PRKCE: variants seen among roughly 807,000 people sequenced by gnomAD.
The protein encoded by PRKCE is protein kinase C epsilon type.
Under a neutral mutation model 85.4 loss-of-function variants are expected in PRKCE, and 16 were observed. That is an observed-to-expected ratio of 0.19 (90% confidence interval 0.13 to 0.28). The LOEUF (loss-of-function observed/expected upper bound fraction) is 0.28. Among genes scored for constraint, PRKCE ranks in the 10% least tolerant of loss-of-function variants. The probability of loss-of-function intolerance (pLI) is 1.00; values close to 1 mark genes in which losing one functional copy is unlikely to be tolerated. For synonymous variants in PRKCE, 388 were observed against 371.5 expected (o/e 1.04, Z -0.51); for missense variants, 573 against 975.2 (o/e 0.59, Z 5.49).
intron 1 of PRKCE, among the ~76,000 whole-genome samples, chr2:45,823,201 C>T (rs1436100902): frequency 6.6e-6 from 1 of 152,206 alleles, no homozygotes; most frequent in Admixed American, 6.5e-5. Flanking sequence ...GATAGATTCC[C>T]AGGCCTGGGA....
chr2:45,739,760 G>A (rs1417591313), intron 1 of PRKCE, among the ~76,000 whole-genome samples: 1 of 152,120 alleles, frequency 6.6e-6, no homozygotes, highest in Non-Finnish European at 1.5e-5. Context: ...TTTAGATCTT[G>A]ATGGTGGTGG....
At chr2:46,134,282 T>G (rs1371529381) in intron 11 of PRKCE, among the ~76,000 whole-genome samples, 1 of 152,150 alleles carries the variant, frequency 6.6e-6, no homozygotes, top group Non-Finnish European at 1.5e-5. Flanking sequence ...GAATGGTCCC[T>G]TGTGGAGGAT....
rs934708020 is a variant in PRKCE, at chr2:46,124,676, C to T, written c.1593-20417C>T. ...GGAAAGGGATCATATTCTTTGTACC[C>T]AACACTTCACTCATCGATCTACTTG... is the stretch of plus-strand genomic sequence containing the variant. On this transcript the variant is annotated intron_variant, in intron 11 of 14. Coordinates refer to ENST00000306156, the MANE Select transcript of PRKCE (RefSeq NM_005400.3). Among the ~76,000 whole-genome samples the T allele has an allele frequency of 5.9e-5, 9 of 152,238 alleles. No homozygotes were observed. The Middle Eastern group carries it at 0.01, about 173-fold the overall frequency.
chr2:45,785,685 T>G (rs889626596), intron 1 of PRKCE, among the ~76,000 whole-genome samples: 1 of 152,094 alleles, frequency 6.6e-6, no homozygotes, highest in Non-Finnish European at 1.5e-5. Context: ...AGGCATCCTA[T>G]GTAGCACCTG....
chr2:45,736,496 G>A (rs1455906975), intron 1 of PRKCE, among the ~76,000 whole-genome samples: 1 of 152,178 alleles, frequency 6.6e-6, no homozygotes, highest in Admixed American at 6.5e-5. Context: ...CAGTCTATTA[G>A]GCAAATTAGA....
rs569403518 is a variant in PRKCE, at chr2:45,780,307, C to A, written c.349-62693C>A. The stretch of plus-strand genomic sequence containing the variant: ...CCTCCTTTTTCTTTTTTTGTTTTTG[C>A]CATTTCTTTTTTTGTTGAAGAAACT... On this transcript the variant is annotated intron_variant, in intron 1 of 14. Transcript: ENST00000306156. Among the ~76,000 whole-genome samples the A allele has an allele frequency of 5.9e-5, 9 of 152,092 alleles. No individual in the cohort carries two copies. The East Asian group carries it at 7.7e-4, about 13-fold the overall frequency.
At chr2:46,009,095 G>A (rs989703689) in intron 9 of PRKCE, among the ~76,000 whole-genome samples, 1 of 152,150 alleles carries the variant, frequency 6.6e-6, no homozygotes, top group Non-Finnish European at 1.5e-5. Flanking sequence ...GTAAATGAGT[G>A]CAAAAATATC....
chr2:45,895,721 G>A lies in PRKCE; in HGVS notation c.412+52658G>A, dbSNP rs890524614. Among the ~76,000 whole-genome samples the A allele has an allele frequency of 2.0e-5, 3 of 152,298 alleles. No individual in the cohort carries two copies. The highest frequency in any genetic ancestry group is 1.9e-4 in the East Asian group (1 of 5,184). On this transcript the variant is annotated intron_variant, in intron 2 of 14. Transcript: ENST00000306156. The surrounding 1 kb of genome is among the most constrained non-coding windows in gnomAD (Gnocchi z 4.8). ...CCCTTAATCTCTGCTAGGGGCTGGG[G>A]CAATCCAGTGGAAAAGGATGGTCTC...
At position 45,744,465 on chromosome 2, in the gene PRKCE, C is replaced by CTCTTTCTTTCT. The variant is rs1558623449; in HGVS notation, c.348+92018_348+92019insCTTTCTTTCTT. Among the ~76,000 whole-genome samples, 130 of 54,074 alleles carry CTCTTTCTTTCT rather than the reference C, an allele frequency of 2.4e-3. 2 individuals are homozygous for CTCTTTCTTTCT. The highest frequency in any genetic ancestry group is 3.3e-3 in the Non-Finnish European group (92 of 27,604). 35.5% of individuals were successfully genotyped at this position (54,074 alleles called of 152,430 possible). ...TCTTTCTTTCTTTCTTTCTTTCTTT[C>CTCTTTCTTTCT]TTTCTTTCTTTCTTTCTTTCTTTTT... On this transcript the variant is annotated intron_variant, in intron 1 of 14. Transcript: ENST00000306156.
At chr2:45,700,864 G>A (rs543314484) in intron 1 of PRKCE, among the ~76,000 whole-genome samples, 42 of 152,296 alleles carry the variant, frequency 2.8e-4, no homozygotes, top group African/African-American at 9.1e-4. Flanking sequence ...GGGCGGCCCC[G>A]TGAGGACAGA....
At chr2:45,813,747 C>T (rs1688819015) in intron 1 of PRKCE, among the ~76,000 whole-genome samples, 1 of 152,112 alleles carries the variant, frequency 6.6e-6, no homozygotes, top group South Asian at 2.1e-4. Flanking sequence ...AAATTGTGGC[C>T]TGTTGTGAAT....
chr2:45,941,427 G>T (rs561005924), intron 2 of PRKCE, among the ~76,000 whole-genome samples: 1 of 152,298 alleles, frequency 6.6e-6, no homozygotes, highest in African/African-American at 2.4e-5. Flanking sequence ...CCAGCCTTAA[G>T]AAACTTATTA....
intron 2 of PRKCE, among the ~76,000 whole-genome samples, chr2:45,940,539 A>G (rs1339039587): frequency 6.6e-6 from 1 of 152,194 alleles, no homozygotes; most frequent in Non-Finnish European, 1.5e-5. Flanking sequence ...AAATGGAAGA[A>G]GCAGAGAACA....
chr2:45,941,192 C>A (rs966693768), intron 2 of PRKCE, among the ~76,000 whole-genome samples: 12 of 152,034 alleles, frequency 7.9e-5, no homozygotes, highest in African/African-American at 1.2e-4. Flanking sequence ...TAGTTAATCC[C>A]TTGAAGAAGC....
chr2:45,729,415 A>G (rs1336914335), intron 1 of PRKCE, among the ~76,000 whole-genome samples: 2 of 152,158 alleles, frequency 1.3e-5, no homozygotes, highest in Non-Finnish European at 2.9e-5. Context: ...CGCTTATGAG[A>G]CAGCCAGTGT....
At chr2:45,937,154 C>T (rs960739516) in intron 2 of PRKCE, among the ~76,000 whole-genome samples, 1 of 152,166 alleles carries the variant, frequency 6.6e-6, no homozygotes. Flanking sequence ...TTTTATTACT[C>T]CTCTAAAAAT....
intron 2 of PRKCE, among the ~76,000 whole-genome samples, chr2:45,888,796 A>C (rs553623464): frequency 6.6e-6 from 1 of 152,184 alleles, no homozygotes; most frequent in Non-Finnish European, 1.5e-5. Context: ...CTGTGGAGAA[A>C]AGGCTTGTCT....
Position 45,674,191 on chromosome 2 carries a change from C to G in PRKCE, c.348+21743C>G, listed in dbSNP as rs1026027854. 4.7e-4 allele frequency among the ~76,000 whole-genome samples: 72 copies of G among 152,234 alleles called. 1 individual carries two copies. The highest frequency in any genetic ancestry group is 1.9e-4 in the East Asian group (1 of 5,206). ...AGACTGATTTCAGGTTTTGTGCACG[C>G]TCCTTCCACTTCTGAGCCCCTCCAA... is the stretch of plus-strand genomic sequence containing the variant. On this transcript the variant is annotated intron_variant, in intron 1 of 14. Transcript: ENST00000306156.
chr2:45,662,287 G>T (rs1261981013), intron 1 of PRKCE, among the ~76,000 whole-genome samples: 1 of 152,120 alleles, frequency 6.6e-6, no homozygotes. Flanking sequence ...TGCTCTCAGA[G>T]AGCATACACT....
Sources: gnomAD v4.1 joint callset for allele counts (sites outside exome capture counted in the v4.1 genomes callset) on GRCh38, gnomAD v4.1.1 for gene constraint, Gnocchi (gnomAD v3.1) non-coding constraint, MANE v1.5 for transcripts, NCBI Gene and HGNC (gene_info 2026-07-23, HGNC 2026-07-21) for gene names.